LRP6: variants seen among roughly 807,000 people sequenced by gnomAD.
LRP6 encodes the protein LDL receptor related protein 6.
A neutral mutation model predicts 184.1 loss-of-function variants in LRP6; 43 were observed. The observed-to-expected ratio is 0.23, with a 90% CI of 0.18 to 0.30. LRP6 has a LOEUF of 0.30. LRP6 is among the 10% of genes least tolerant of loss of function. LRP6 has a pLI of 1.00. For missense variants in LRP6, 1,571 were observed against 2,005.3 expected, an observed-to-expected ratio of 0.78 and a Z score of 4.14; for synonymous variants, 719 against 684.9, an observed-to-expected ratio of 1.05 and a Z score of -0.78.
At chr12:12,219,054 A>G (rs1351573927) in intron 2 of LRP6, among the ~76,000 whole-genome samples, 1 of 123,658 alleles carries the variant, frequency 8.1e-6, no homozygotes, top group Non-Finnish European at 1.8e-5. Context: ...CCTGGCCGAC[A>G]TGGTGAAATC....
intron 1 of LRP6, among the ~76,000 whole-genome samples, chr12:12,260,941 G>C (rs1407334597): frequency 1.3e-5 from 2 of 152,104 alleles, no homozygotes; most frequent in African/African-American, 4.8e-5. Context: ...TTTCCAGTAT[G>C]CGCAAAATAT....
chr12:12,176,907 G>C (rs1446215040), intron 7 of LRP6, among the ~76,000 whole-genome samples: 1 of 144,812 alleles, frequency 6.9e-6, no homozygotes, highest in Non-Finnish European at 1.5e-5. Context: ...GAATGCAATG[G>C]CATCATCTCG....
rs550587604 is a variant in LRP6 at position 12,119,990 on chromosome 12, AATAT to A, written c.*1132_*1135del. On this transcript the variant is annotated 3_prime_UTR_variant, in exon 23 of 23. Transcript: ENST00000261349. ...ACTCAGAAAACAAACAAACAAACAAAATATATATATATATATATATATATATATA... is the reference window on the plus strand; with the variant it reads ...ACTCAGAAAACAAACAAACAAACAAAATATATATATATATATATATATATA... The A allele has an allele frequency of 0.042, 1,881 of 44,752 alleles. 39 individuals carry two copies. Among genetic ancestry groups the A allele is most frequent in the Non-Finnish European group, 0.05 (1,252 of 25,194 alleles). 2.8% of individuals were successfully genotyped at this position (44,752 alleles called of 1,614,324 possible). A position where few individuals can be genotyped will look rare whatever the true frequency, so the allele number is the denominator to read the frequency against.
chr12:12,161,321 G>A (rs1242980649), intron 10 of LRP6, among the ~76,000 whole-genome samples: 2 of 151,934 alleles, frequency 1.3e-5, no homozygotes, highest in African/African-American at 2.4e-5. Context: ...AGGGTGGAGT[G>A]CAGTGGCACG....
Position 12,121,055 on chromosome 12 carries a change from C to G in LRP6, c.*71G>C, listed in dbSNP as rs567529542. ...ATCCTTCTCTAATAGCTCCCTCCCC[C>G]CCTCCAGATCTCAACCAAATTTATA... On this transcript the variant is annotated 3_prime_UTR_variant, in exon 23 of 23. Coordinates refer to ENST00000261349, the MANE Select transcript of LRP6 (RefSeq NM_002336.3). 65 of 1,385,584 alleles carry G rather than the reference C, an allele frequency of 4.7e-5. No individual in the cohort carries two copies. In the Admixed American group the frequency reaches 5.2e-4, roughly 11 times the overall value. The allele number at this position is 1,385,584 out of a possible 1,614,324, so 85.8% of individuals were successfully genotyped here.
chr12:12,155,575 CCTAAA>C, intron 12 of LRP6: 2 of 743,864 alleles, frequency 2.7e-6, no homozygotes, highest in Non-Finnish European at 4.9e-6. Flanking sequence ...GAGATAGCTT[CCTAAA>C]GGAAGCTATC....
At position 12,169,841 on chromosome 12, in the gene LRP6, GATTT is replaced by G. The variant is rs1448722693; in HGVS notation, c.1546-4550_1546-4547del. On this transcript the variant is annotated intron_variant, in intron 7 of 22. Transcript: ENST00000261349. ...ATTTCAAGTTAAGCAATGTAATTAA[GATTT>G]ATTAAAGATTTTTTTAAAACCACGT... 2.6e-5 allele frequency among the ~76,000 whole-genome samples: 4 copies of G among 152,134 alleles called. No homozygotes were observed. The East Asian group carries it at 5.8e-4, about 22-fold the overall frequency.
intron 19 of LRP6, among the ~76,000 whole-genome samples, chr12:12,127,976 G>A (rs748093254): frequency 6.6e-6 from 1 of 152,098 alleles, no homozygotes; most frequent in African/African-American, 2.4e-5. Flanking sequence ...GAGAACAACC[G>A]TCTCATCTTT....
intron 4 of LRP6, among the ~76,000 whole-genome samples, chr12:12,185,434 C>T (rs1411985443): frequency 2.7e-5 from 4 of 147,240 alleles, no homozygotes; most frequent in Admixed American, 2.0e-4. Flanking sequence ...CATCAGATTC[C>T]AACATAACAC....
chr12:12,179,711 A>C, intron 7 of LRP6, 99 bp downstream of exon 7: 1 of 1,312,334 alleles, frequency 7.6e-7, no homozygotes, highest in Non-Finnish European at 1.1e-6. Flanking sequence ...CACCCCAGAC[A>C]ACTGTTAAGA....
In LRP6 at chr12:12,177,563, T is replaced by C. The variant is rs182473819; in HGVS notation, c.1545+2247A>G. Among the ~76,000 whole-genome samples the C allele has an allele frequency of 2.3e-3, 356 of 152,266 alleles. 2 individuals are homozygous for C. The highest frequency in any genetic ancestry group is 4.5e-3 in the Non-Finnish European group (304 of 68,008). ...AATTTAGACGAAGAGCTGCACTCTT[T>C]CTTTAGTTTGCCAAGTATCAGATTT... On this transcript the variant is annotated intron_variant, in intron 7 of 22. Transcript: ENST00000261349.
chr12:12,178,680 T>C (rs1863256040), intron 7 of LRP6, among the ~76,000 whole-genome samples: 2 of 152,222 alleles, frequency 1.3e-5, no homozygotes, highest in Admixed American at 1.3e-4. Flanking sequence ...GATTCAAACA[T>C]CAACTTGGAT....
intron 2 of LRP6, chr12:12,226,803 G>C (rs2135882300): frequency 6.6e-6 from 1 of 152,170 alleles, no homozygotes; most frequent in African/African-American, 2.4e-5. Context: ...AAAACAATAA[G>C]AACTGTGGGA....
intron 21 of LRP6, 102 bp downstream of exon 21, chr12:12,125,194 A>G (rs1019591845): frequency 1.4e-6 from 2 of 1,430,430 alleles, no homozygotes; most frequent in African/African-American, 1.4e-5. Flanking sequence ...TTTACATTCA[A>G]AAACTACTTT....
At chr12:12,213,555 G>A (rs1033848652) in intron 2 of LRP6, among the ~76,000 whole-genome samples, 1 of 151,460 alleles carries the variant, frequency 6.6e-6, no homozygotes, top group African/African-American at 2.4e-5. Context: ...TTCTTTCATT[G>A]CTTTCATGCT....
chr12:12,120,237 A>G lies in LRP6; in HGVS notation c.*889T>C, dbSNP rs1020767033. The stretch of plus-strand genomic sequence containing the variant: ...CTTTTGATCATTATGCAAAAACAGC[A>G]GTCAAATTGAAGAGCTAAGCCTACT... On this transcript the variant is annotated 3_prime_UTR_variant, in exon 23 of 23. Transcript: ENST00000261349. 1 of 151,894 alleles carries G rather than the reference A, an allele frequency of 6.6e-6. No homozygotes were observed. Among genetic ancestry groups the G allele is most frequent in the African/African-American group, 2.4e-5 (1 of 41,334 alleles). The allele number at this position is 151,894 out of a possible 1,614,324, so 9.4% of individuals were successfully genotyped here. A position where few individuals can be genotyped will look rare whatever the true frequency, so the allele number is the denominator to read the frequency against.
At position 12,249,896 on chromosome 12, in the gene LRP6, T is replaced by C. The variant is rs75022590; in HGVS notation, c.56-5241A>G. ...CCAAAACAACAAAATCCCTCACCAG[T>C]CAATGGTACACAATTCTAACCTTAC... On this transcript the variant is annotated intron_variant, in intron 1 of 22. Transcript: ENST00000261349. Among the ~76,000 whole-genome samples, 991 of 152,268 alleles carry C rather than the reference T, an allele frequency of 6.5e-3. 11 individuals are homozygous for C. Among genetic ancestry groups the C allele is most frequent in the African/African-American group, 0.023 (957 of 41,550 alleles).
intron 3 of LRP6, chr12:12,187,392 G>C: frequency 6.5e-6 from 3 of 458,776 alleles, no homozygotes; most frequent in Middle Eastern, 6.4e-4. Flanking sequence ...GGCAGAGAGA[G>C]AGCACTGCTT....
In LRP6 at chr12:12,186,983, G is replaced by T; in HGVS notation, c.784C>A (p.His262Asn). 1 of 1,614,140 alleles carries T rather than the reference G, an allele frequency of 6.2e-7. No individual in the cohort carries two copies. The highest frequency in any genetic ancestry group is 8.5e-7 in the Non-Finnish European group (1 of 1,180,022). ...TCCATGGGAGAGAAGATGTCAGAATGGATTTCACGCAGACCCTCACCAGTA... is the reference window on the plus strand; with the variant it reads ...TCCATGGGAGAGAAGATGTCAGAATTGATTTCACGCAGACCCTCACCAGTA... The part of the protein sequence containing the change: ...KYTGEGLREI[H>N]SDIFSPMDIH... Residue 262 changes from histidine to asparagine, a missense_variant, in exon 4 of 23, where the codon CAT becomes AAT. This residue lies in a region of LRP6 where 640 missense variants were observed against 851.9 expected (regional missense o/e 0.75). Transcript: ENST00000261349.
Sources: gnomAD v4.1 joint callset for allele counts (sites outside exome capture counted in the v4.1 genomes callset) on GRCh38, gnomAD v4.1.1 for gene constraint, gnomAD v4.1.1 regional missense constraint, MANE v1.5 for transcripts, NCBI Gene and HGNC (gene_info 2026-07-23, HGNC 2026-07-21) for gene names.